The following CASP8 variants were observed in gnomAD, a reference collection of about 807,000 sequenced individuals.
The protein encoded by CASP8 is caspase 8, also known as caspase-8.
CASP8 carries 24 observed loss-of-function variants against 46.3 expected under a neutral mutation model. The observed-to-expected ratio is 0.52, with a 90% CI of 0.38 to 0.73. The LOEUF is 0.73. Ranked by LOEUF, CASP8 falls within the 30% of genes least tolerant of loss-of-function variation. The pLI is 0.00. For missense variants in CASP8, 460 were observed against 559.0 expected, an observed-to-expected ratio of 0.82 and a Z score of 1.79; for synonymous variants, 188 against 200.4, an observed-to-expected ratio of 0.94 and a Z score of 0.52.
intron 2 of CASP8, among the ~76,000 whole-genome samples, chr2:201,254,935 A>G (rs1221568021): frequency 6.6e-6 from 1 of 152,250 alleles, no homozygotes; most frequent in East Asian, 1.9e-4. Flanking sequence ...ACTAAGGACC[A>G]TGCACATTAT....
chr2:201,280,471 T>C (rs1390194484), intron 7 of CASP8, among the ~76,000 whole-genome samples: 2 of 152,156 alleles, frequency 1.3e-5, no homozygotes, highest in Non-Finnish European at 2.9e-5. Flanking sequence ...AAGCCAAATA[T>C]GTAAAGTATC....
rs1390969160 is a variant in CASP8, at chr2:201,272,871, T to A, written c.551-27T>A. Reference sequence around the variant, plus strand: ...ATCACAGTTGTTTCTAATCAAATATTGTTTGGGGTTTCCCCTTTTAATTCA... The same window carrying A: ...ATCACAGTTGTTTCTAATCAAATATAGTTTGGGGTTTCCCCTTTTAATTCA... On this transcript the variant is annotated intron_variant, in intron 4 of 8. Transcript: ENST00000673742. The surrounding 1 kb of genome is among the most constrained non-coding windows in gnomAD (Gnocchi z 4.4). 5 of 1,614,078 alleles carry A rather than the reference T, an allele frequency of 3.1e-6. No individual in the cohort carries two copies. Among genetic ancestry groups the A allele is most frequent in the Non-Finnish European group, 4.2e-6 (5 of 1,179,908 alleles).
chr2:201,261,664 C>A (rs1321214402), intron 1 of CASP8, among the ~76,000 whole-genome samples: 1 of 152,118 alleles, frequency 6.6e-6, no homozygotes, highest in Non-Finnish European at 1.5e-5. Flanking sequence ...TCCGGGGCAG[C>A]CCGCAGTCTG....
chr2:201,270,289 T>G (rs1176822364), intron 2 of CASP8, among the ~76,000 whole-genome samples: 1 of 152,156 alleles, frequency 6.6e-6, no homozygotes, highest in Non-Finnish European at 1.5e-5. Flanking sequence ...CAAAGACTGA[T>G]TTAAGTACTT....
At chr2:201,271,456 A>G (rs145486840) in intron 2 of CASP8, 60 bp from the exon 3 acceptor site, 9 of 1,024,140 alleles carry the variant, frequency 8.8e-6, no homozygotes, top group African/African-American at 3.1e-5. Flanking sequence ...GTGACTCCAT[A>G]TATCAAATGG....
chr2:201,274,381 C>T (rs537557002), intron 5 of CASP8, among the ~76,000 whole-genome samples: 1 of 152,290 alleles, frequency 6.6e-6, no homozygotes, highest in South Asian at 2.1e-4. Flanking sequence ...ACAACTTGAT[C>T]TTGTGTTTCC....
intron 7 of CASP8, chr2:201,278,271 GTTC>G (rs1475219750): frequency 6.6e-6 from 1 of 152,236 alleles, no homozygotes; most frequent in Non-Finnish European, 1.5e-5. Flanking sequence ...TTCTGTTCCT[GTTC>G]TTATGTTTTA....
chr2:201,274,760 A>G (rs1263526960), intron 5 of CASP8, 129 bp from the exon 6 acceptor site: 20 of 760,360 alleles, frequency 2.6e-5, no homozygotes, highest in Non-Finnish European at 4.6e-5. Flanking sequence ...TACCGGCGTG[A>G]GCCCCTGTTC....
chr2:201,277,288 G>A (rs1485685604), intron 7 of CASP8, among the ~76,000 whole-genome samples: 9 of 152,186 alleles, frequency 5.9e-5, no homozygotes, highest in Non-Finnish European at 1.0e-4. Context: ...TGTATTAGGC[G>A]ATGAAATTGC....
intron 2 of CASP8, chr2:201,242,322 T>G (rs2124915686): frequency 6.6e-6 from 1 of 152,258 alleles, no homozygotes. Context: ...AGAAATTTAT[T>G]TTTCACAGTT....
At chr2:201,276,419 C>T (rs1255532191) in intron 6 of CASP8, among the ~76,000 whole-genome samples, 3 of 152,092 alleles carry the variant, frequency 2.0e-5, no homozygotes, top group Admixed American at 6.6e-5. Flanking sequence ...CAAGTCATGG[C>T]GTGGGGGCAG....
At chr2:201,281,744 G>C (rs1949027888) in intron 7 of CASP8, 1 of 758,956 alleles carries the variant, frequency 1.3e-6, no homozygotes, top group Admixed American at 2.3e-5. Context: ...TCAGTAGTAA[G>C]CCTAAATGAT....
At chr2:201,252,272 T>G (rs769571990) in intron 2 of CASP8, among the ~76,000 whole-genome samples, 2 of 152,100 alleles carry the variant, frequency 1.3e-5, no homozygotes, top group African/African-American at 2.4e-5. Flanking sequence ...GCATGGTTTT[T>G]GTTTTTGTTT....
chr2:201,255,875 C>T (rs1393185770), upstream of CASP8, among the ~76,000 whole-genome samples: 1 of 152,188 alleles, frequency 6.6e-6, no homozygotes, highest in Non-Finnish European at 1.5e-5. Context: ...TCACCTCAGC[C>T]TCCTGAGTAG....
At chr2:201,242,682 A>G (rs924067550) in intron 2 of CASP8, 1 of 152,242 alleles carries the variant, frequency 6.6e-6, no homozygotes, top group African/African-American at 2.4e-5. Context: ...TTTTTTACAG[A>G]AAAAAACCTC....
At chr2:201,276,531 A>G (rs1475005374) in intron 6 of CASP8, among the ~76,000 whole-genome samples, 2 of 152,224 alleles carry the variant, frequency 1.3e-5, no homozygotes, top group African/African-American at 4.8e-5. Context: ...AGTCTTCTGT[A>G]TAGTATGGGA....
In CASP8 at chr2:201,251,525, G is replaced by A. The variant is rs564051477; in HGVS notation, c.-26-14936G>A. Among the ~76,000 whole-genome samples the A allele has an allele frequency of 2.2e-4, 33 of 149,224 alleles. No homozygotes were observed. The South Asian group carries it at 7.0e-3, about 32-fold the overall frequency. On this transcript the variant is annotated intron_variant, in intron 2 of 6. Transcript: ENST00000264274. ...CAGGAGAATCGCTTGAACCTGGGAG[G>A]TGGAGGTTGCATTGAGCCAAGATGG... is the stretch of plus-strand genomic sequence containing the variant.
At chr2:201,265,530 C>T (rs1216539681) in intron 1 of CASP8, among the ~76,000 whole-genome samples, 3 of 152,210 alleles carry the variant, frequency 2.0e-5, no homozygotes, top group Admixed American at 6.5e-5. Context: ...GGTCCTAGTA[C>T]GTCCCCTACT....
chr2:201,247,814 T>G (rs977662898), intron 2 of CASP8, among the ~76,000 whole-genome samples: 3 of 151,966 alleles, frequency 2.0e-5, no homozygotes, highest in African/African-American at 4.8e-5. Context: ...CTGGCTAATT[T>G]TTTGTATTTT....
Sources: allele counts gnomAD v4.1 joint callset (sites outside exome capture counted in the v4.1 genomes callset), GRCh38; gene constraint gnomAD v4.1.1; non-coding constraint Gnocchi (gnomAD v3.1); transcripts MANE v1.5; gene names NCBI Gene and HGNC (gene_info 2026-07-23, HGNC 2026-07-21).